Variants in PTPRZ1 observed in about 807,000 individuals in gnomAD.
PTPRZ1 encodes receptor-type tyrosine-protein phosphatase zeta.
A neutral mutation model predicts 214.1 loss-of-function variants in PTPRZ1; 82 were observed. The ratio of observed to expected loss-of-function variants is 0.38; its 90% CI spans 0.32 to 0.46. PTPRZ1 has a LOEUF of 0.46. PTPRZ1 is among the 20% of genes least tolerant of loss of function. The pLI, the probability that PTPRZ1 is intolerant of heterozygous loss-of-function variation, is 1.00. For missense variants in PTPRZ1, 2,603 were observed against 2,748.7 expected, an observed-to-expected ratio of 0.95 and a Z score of 1.19; for synonymous variants, 945 against 987.9, an observed-to-expected ratio of 0.96 and a Z score of 0.81.
In PTPRZ1 at chr7:121,987,319, G is replaced by T. The variant is rs540117102; in HGVS notation, c.928+3202G>T. ...TTCTTAAGGCAGGAAAATTAGCTTT[G>T]TCCCAGGTCCTTCAAACTTGCCTGC... is the stretch of plus-strand genomic sequence containing the variant. On this transcript the variant is annotated intron_variant, in intron 8 of 29. Transcript: ENST00000393386. 3.8e-3 allele frequency among the ~76,000 whole-genome samples: 575 copies of T among 152,176 alleles called. 2 individuals carry two copies. Among genetic ancestry groups the T allele is most frequent in the Non-Finnish European group, 6.0e-3 (406 of 68,016 alleles).
rs181971807 is a variant in PTPRZ1 at position 122,010,366 on chromosome 7, C to T, written c.1320C>T (p.Gly440=). Residue 440 remains glycine, a synonymous_variant, in exon 12 of 30, where the codon GGC becomes GGT. Coordinates refer to ENST00000393386, the MANE Select transcript of PTPRZ1 (RefSeq NM_002851.3). The part of the protein sequence containing the change: ...EEEEGKDIEE[G]AIVNPGRDSA... The stretch of plus-strand genomic sequence containing the variant: ...AAGAGGGAAAAGACATTGAAGAAGG[C>T]GCTATTGTGAATCCTGGTAGAGACA... The T allele has an allele frequency of 1.5e-4, 244 of 1,611,890 alleles. 1 individual carries two copies. Among genetic ancestry groups the T allele is most frequent in the Admixed American group, 1.3e-3 (75 of 59,592 alleles).
In PTPRZ1 at chr7:122,061,319, A is replaced by G. The variant is rs1340451790; in HGVS notation, c.*99A>G. 4 of 1,171,730 alleles carry G rather than the reference A, an allele frequency of 3.4e-6. No individual in the cohort carries two copies. In the African/African-American group the frequency reaches 4.7e-5, roughly 14 times the overall value. The allele number at this position is 1,171,730 out of a possible 1,614,324, so 72.6% of individuals were successfully genotyped here. On this transcript the variant is annotated 3_prime_UTR_variant, in exon 30 of 30. Transcript: ENST00000393386. ...TAGTTCTGTTATCTGTTGATTTCCC[A>G]TCACCTGACAGTAACTTTCATGACA... is the stretch of plus-strand genomic sequence containing the variant.
chr7:121,895,316 A>G (rs1380582182), intron 1 of PTPRZ1, among the ~76,000 whole-genome samples: 2 of 152,096 alleles, frequency 1.3e-5, no homozygotes, highest in Non-Finnish European at 2.9e-5. Context: ...GGATAATCAT[A>G]CTTATTTCTC....
intron 1 of PTPRZ1, among the ~76,000 whole-genome samples, chr7:121,891,591 C>T (rs771768373): frequency 4.7e-5 from 7 of 148,106 alleles, no homozygotes; most frequent in Non-Finnish European, 7.4e-5. Context: ...TTTTATGCAA[C>T]TTTTTATTAA....
In PTPRZ1 at chr7:122,036,698, T is replaced by C. The variant is rs1257802093; in HGVS notation, c.5367+16T>C. 1.3e-6 allele frequency: 2 copies of C among 1,544,638 alleles called. No homozygotes were observed. The highest frequency in any genetic ancestry group is 1.8e-6 in the Non-Finnish European group (2 of 1,117,834). Reference sequence around the variant, plus strand: ...TTATGTTGATGTAAGCATGTTTTAATTGAAAATTTTATAGAAATCATATTA... The same window carrying C: ...TTATGTTGATGTAAGCATGTTTTAACTGAAAATTTTATAGAAATCATATTA... On this transcript the variant is annotated intron_variant, in intron 18 of 29. Coordinates refer to ENST00000393386, the MANE Select transcript of PTPRZ1 (RefSeq NM_002851.3).
chr7:121,905,595 C>T (rs1322957685), intron 1 of PTPRZ1, among the ~76,000 whole-genome samples: 1 of 150,144 alleles, frequency 6.7e-6, no homozygotes, highest in African/African-American at 2.4e-5. Context: ...ATCTGAAGTA[C>T]ATGTAACACT....
At chr7:121,898,062 C>T (rs1398710890) in intron 1 of PTPRZ1, among the ~76,000 whole-genome samples, 1 of 151,716 alleles carries the variant, frequency 6.6e-6, no homozygotes, top group Non-Finnish European at 1.5e-5. Flanking sequence ...TTCGGTGGTA[C>T]ATTTAAATAC....
Position 122,055,000 on chromosome 7 carries a change from T to A in PTPRZ1, c.6441T>A (p.Phe2147Leu). 6.2e-7 allele frequency: 1 copy of A among 1,608,732 alleles called. No homozygotes were observed. Among genetic ancestry groups the A allele is most frequent in the Non-Finnish European group, 8.5e-7 (1 of 1,176,332 alleles). The part of the protein sequence containing the change: ...NKDEPINCES[F>L]KVTLMAEEHK... ...ATGAGCCTATAAATTGTGAGAGCTT[T>A]AAGGTCACTCTTATGGCTGAAGAAC... The change falls in exon 27 of 30, where the codon TTT becomes TTA. Residue 2147 changes from phenylalanine (F) to leucine (L), a missense_variant. Phe to Leu is a conservative substitution (Grantham distance 22). Transcript: ENST00000393386.
intron 15 of PTPRZ1, chr7:122,032,003 A>G (rs930999906): frequency 6.6e-6 from 1 of 152,188 alleles, no homozygotes; most frequent in Non-Finnish European, 1.5e-5. Flanking sequence ...ACATTATACC[A>G]GGTAAAAATG....
At chr7:122,034,470 T>TA in intron 17 of PTPRZ1, 92 bp downstream of exon 17, 1 of 1,130,072 alleles carries the variant, frequency 8.8e-7, no homozygotes, top group South Asian at 1.4e-5. Context: ...GAGCTGACCT[T>TA]AGTGTGGCTG....
Position 122,011,724 on chromosome 7 carries a change from G to A in PTPRZ1, c.2678G>A (p.Gly893Asp), listed in dbSNP as rs779280823. 72 of 1,614,028 alleles carry A rather than the reference G, an allele frequency of 4.5e-5. No individual in the cohort carries two copies. Among genetic ancestry groups the A allele is most frequent in the Non-Finnish European group, 6.1e-5 (72 of 1,180,034 alleles). Residue 893 changes from glycine (G) to aspartate (D), a missense_variant, in exon 12 of 30, where the codon GGT becomes GAT. By Grantham distance (94) the Gly-to-Asp change is moderately conservative (BLOSUM62 -1). Coordinates refer to ENST00000393386, the MANE Select transcript of PTPRZ1 (RefSeq NM_002851.3). ...GCTGCTTCAGAGACGCTGGAATTTG[G>A]TAGTGAATCTGGTGTTCTTTATAAA... ...THAASETLEF[G>D]SESGVLYKTL...
intron 23 of PTPRZ1, among the ~76,000 whole-genome samples, chr7:122,050,026 T>C (rs751316530): frequency 2.1e-4 from 32 of 152,254 alleles, no homozygotes; most frequent in Non-Finnish European, 4.7e-4. Flanking sequence ...TGGGAAAATT[T>C]TCATGTCAAA....
chr7:121,873,331 C>CAT lies in PTPRZ1; in HGVS notation c.-168_-167insTA. 4.0e-6 allele frequency: 2 copies of CAT among 497,150 alleles called. No individual in the cohort carries two copies. The highest frequency in any genetic ancestry group is 4.6e-5 in the South Asian group (2 of 43,796). The allele number at this position is 497,150 out of a possible 1,614,324, so 30.8% of individuals were successfully genotyped here. ...TCTGTCTCTGTCTCTCTCTCTCTCA[C>CAT]ACACACACACACACACACAAACACA... is the stretch of plus-strand genomic sequence containing the variant. On this transcript the variant is annotated 5_prime_UTR_variant, in exon 1 of 30. Transcript: ENST00000393386.
At chr7:121,958,026 C>T (rs1184896664) in intron 2 of PTPRZ1, among the ~76,000 whole-genome samples, 2 of 152,176 alleles carry the variant, frequency 1.3e-5, no homozygotes, top group African/African-American at 4.8e-5. Context: ...TCTTTCCTCT[C>T]AATATATACA....
chr7:121,961,162 C>A (rs1796864624), intron 2 of PTPRZ1, among the ~76,000 whole-genome samples: 1 of 152,226 alleles, frequency 6.6e-6, no homozygotes, highest in Non-Finnish European at 1.5e-5. Context: ...GCCTATCCTG[C>A]ATTCCTGCCT....
At position 122,054,970 on chromosome 7, in the gene PTPRZ1, T is replaced by A. The variant is rs1033654690; in HGVS notation, c.6411T>A (p.Asn2137Lys). 17 of 1,604,312 alleles carry A rather than the reference T, an allele frequency of 1.1e-5. No homozygotes were observed. Among genetic ancestry groups the A allele is most frequent in the Non-Finnish European group, 1.4e-5 (17 of 1,175,852 alleles). The change falls in exon 27 of 30, where the codon AAT (asparagine) becomes AAA (lysine). Residue 2137 changes from asparagine to lysine, a missense_variant. Asn to Lys is a moderately conservative substitution (Grantham distance 94, BLOSUM62 0). This residue lies in a region of PTPRZ1 where 134 missense variants were observed against 183.3 expected (regional missense o/e 0.73). Transcript: ENST00000393386. ...MAEDEFVYWP[N>K]KDEPINCESF... ...AAGATGAATTTGTTTACTGGCCAAA[T>A]AAAGATGAGCCTATAAATTGTGAGA...
intron 11 of PTPRZ1, among the ~76,000 whole-genome samples, chr7:122,005,793 G>A (rs1798468105): frequency 1.3e-5 from 2 of 152,052 alleles, no homozygotes; most frequent in South Asian, 4.2e-4. Flanking sequence ...TGTATTAAAT[G>A]ATATTCTGTT....
intron 1 of PTPRZ1, among the ~76,000 whole-genome samples, chr7:121,917,847 G>C (rs78884894): frequency 0.013 from 1,911 of 152,210 alleles, 21 homozygotes; most frequent in South Asian, 0.044. Flanking sequence ...AAATTAGTCA[G>C]ATCTCCCTTG....
chr7:122,051,811 T>G, intron 24 of PTPRZ1, 55 bp from the exon 25 acceptor site: 2 of 1,384,092 alleles, frequency 1.4e-6, no homozygotes, highest in Non-Finnish European at 2.0e-6. Flanking sequence ...TGAGCATGAG[T>G]TGTTTTGTTT....
Sources: allele counts gnomAD v4.1 joint callset (sites outside exome capture counted in the v4.1 genomes callset), GRCh38; gene constraint gnomAD v4.1.1; regional missense constraint gnomAD v4.1.1; transcripts MANE v1.5; gene names NCBI Gene and HGNC (gene_info 2026-07-23, HGNC 2026-07-21).